The following TRPC5 variants were observed in gnomAD, a reference collection of about 807,000 sequenced individuals.
The protein encoded by TRPC5 is transient receptor potential cation channel subfamily C member 5, also known as short transient receptor potential channel 5.
A neutral mutation model predicts 56.5 loss-of-function variants in TRPC5; 9 were observed. The observed-to-expected ratio is 0.16, with a 90% CI of 0.10 to 0.28. The LOEUF is 0.28. Ranked by LOEUF, TRPC5 falls within the 10% of genes least tolerant of loss-of-function variation. The probability of loss-of-function intolerance (pLI) is 1.00; values close to 1 mark genes in which losing one functional copy is unlikely to be tolerated. For synonymous variants in TRPC5, 282 were observed against 278.5 expected, an observed-to-expected ratio of 1.01 and a Z score of -0.13; for missense variants, 469 against 748.9, an observed-to-expected ratio of 0.63 and a Z score of 4.36.
chrX:112,011,481 G>A (rs774115576), intron 1 of TRPC5, among the ~76,000 whole-genome samples: 1 of 111,911 alleles, frequency 8.9e-6, no homozygotes, highest in South Asian at 3.8e-4. Context: ...GCCTGTTCCC[G>A]TTGGAGGCTC....
chrX:112,012,355 T>C (rs1413316494), intron 1 of TRPC5, among the ~76,000 whole-genome samples: 4 of 112,042 alleles, frequency 3.6e-5, no homozygotes, highest in African/African-American at 1.3e-4. Flanking sequence ...GGCAGCAGGT[T>C]CTTGTCAAGT....
At chrX:112,070,918 T>TCTAA (rs1236675194) in intron 1 of TRPC5, among the ~76,000 whole-genome samples, 1 of 111,942 alleles carries the variant, frequency 8.9e-6, no homozygotes, top group African/African-American at 3.3e-5. Context: ...TTTATTAAGT[T>TCTAA]CTAACTATGC....
intron 7 of TRPC5, among the ~76,000 whole-genome samples, chrX:111,791,019 C>CAAAAAAAAAAAAAA (rs753897017): frequency 1.1e-4 from 1 of 9,293 alleles, no homozygotes; most frequent in African/African-American, 2.7e-4. Flanking sequence ...GACTCCATCT[C>CAAAAAAAAAAAAAA]AAAAAAAAAA....
At chrX:111,904,904 C>A (rs1302341975) in intron 3 of TRPC5, among the ~76,000 whole-genome samples, 1 of 110,490 alleles carries the variant, frequency 9.1e-6, no homozygotes, top group Non-Finnish European at 1.9e-5. Context: ...TAAGAGCTTT[C>A]TTATTCTACT....
intron 3 of TRPC5, among the ~76,000 whole-genome samples, chrX:111,905,832 G>A (rs1384452674): frequency 4.8e-5 from 5 of 104,899 alleles, no homozygotes; most frequent in African/African-American, 7.1e-5. Flanking sequence ...GGAGAATGGC[G>A]TGAACCTGGG....
chrX:112,077,315 A>G (rs1361249468), intron 1 of TRPC5, among the ~76,000 whole-genome samples: 1 of 112,283 alleles, frequency 8.9e-6, no homozygotes, highest in Non-Finnish European at 1.9e-5. Context: ...GAATAATAAG[A>G]TAAGTGGACC....
At chrX:111,978,981 A>G (rs190824727) in intron 1 of TRPC5, among the ~76,000 whole-genome samples, 2 of 111,697 alleles carry the variant, frequency 1.8e-5, no homozygotes, top group African/African-American at 6.5e-5. Flanking sequence ...AAACAAAGCA[A>G]AGATATCCAC....
At chrX:111,890,064 C>T (rs907456625) in intron 3 of TRPC5, among the ~76,000 whole-genome samples, 9 of 111,656 alleles carry the variant, frequency 8.1e-5, no homozygotes, top group African/African-American at 2.9e-4. Context: ...GTTCTGCATC[C>T]ATGGAGTCAA....
intron 1 of TRPC5, among the ~76,000 whole-genome samples, chrX:111,982,303 A>G (rs1928104378): frequency 8.9e-6 from 1 of 112,014 alleles, no homozygotes; most frequent in Admixed American, 9.5e-5. Flanking sequence ...GTAACTGGCC[A>G]TGTGGTCACA....
At chrX:111,967,275 A>T (rs1211048205) in intron 1 of TRPC5, among the ~76,000 whole-genome samples, 1 of 111,430 alleles carries the variant, frequency 9.0e-6, no homozygotes, top group Non-Finnish European at 1.9e-5. Context: ...CTTACAAGGG[A>T]TGTGAAGGAC....
intron 7 of TRPC5, among the ~76,000 whole-genome samples, chrX:111,783,380 C>G (rs1945936063): frequency 9.0e-6 from 1 of 111,385 alleles, no homozygotes; most frequent in African/African-American, 3.3e-5. Context: ...CAAACTGTTT[C>G]CAGAGTGGCT....
chrX:111,913,029 A>T (rs962878883), intron 2 of TRPC5, among the ~76,000 whole-genome samples: 2 of 111,786 alleles, frequency 1.8e-5, no homozygotes, highest in Admixed American at 9.5e-5. Flanking sequence ...TACTCATTTA[A>T]TCTCCACAAC....
intron 1 of TRPC5, among the ~76,000 whole-genome samples, chrX:112,053,020 G>A (rs1449674975): frequency 1.8e-5 from 2 of 111,483 alleles, no homozygotes; most frequent in Non-Finnish European, 3.8e-5. Flanking sequence ...AATTTTTGTG[G>A]TATAGAAGTG....
At chrX:111,976,153 T>C (rs907752159) in intron 1 of TRPC5, among the ~76,000 whole-genome samples, 3 of 111,872 alleles carry the variant, frequency 2.7e-5, no homozygotes, top group Middle Eastern at 4.6e-3. Context: ...CTGGGCATGA[T>C]GACTCACACC....
chrX:112,076,289 C>G (rs73550169), intron 1 of TRPC5, among the ~76,000 whole-genome samples: 5,412 of 111,030 alleles, frequency 0.049, 314 homozygotes, highest in African/African-American at 0.17. Context: ...AATCAGGTTG[C>G]CCAGATTGCA....
chrX:111,815,894 A>C (rs755366740), intron 7 of TRPC5, among the ~76,000 whole-genome samples: 1 of 111,489 alleles, frequency 9.0e-6, no homozygotes, highest in East Asian at 2.8e-4. Context: ...CCTGGTGATA[A>C]TGTTATTAGG....
At chrX:112,062,231 C>T (rs1042777017) in intron 1 of TRPC5, among the ~76,000 whole-genome samples, 1 of 111,792 alleles carries the variant, frequency 8.9e-6, no homozygotes, top group African/African-American at 3.3e-5. Flanking sequence ...AATACATTTC[C>T]TTCCTACAAA....
chrX:111,946,648 G>C (rs1926940364), intron 2 of TRPC5, among the ~76,000 whole-genome samples: 1 of 112,195 alleles, frequency 8.9e-6, no homozygotes, highest in Non-Finnish European at 1.9e-5. Context: ...CAAGCCATGT[G>C]CTTTTCTGGA....
chrX:112,033,522 A>G (rs1218519479), intron 1 of TRPC5, among the ~76,000 whole-genome samples: 2 of 97,414 alleles, frequency 2.1e-5, no homozygotes, highest in Admixed American at 2.1e-4. Flanking sequence ...GATGCACAGA[A>G]GGTTTTAATT....
Sources: gnomAD v4.1 joint callset for allele counts (sites outside exome capture counted in the v4.1 genomes callset) on GRCh38, gnomAD v4.1.1 for gene constraint, MANE v1.5 for transcripts, NCBI Gene and HGNC (gene_info 2026-07-23, HGNC 2026-07-21) for gene names.